Variants in MLLT10 observed in about 807,000 individuals in gnomAD.
MLLT10 encodes the protein protein AF-10.
MLLT10 carries 30 observed loss-of-function variants against 129.1 expected under a neutral mutation model. The ratio of observed to expected loss-of-function variants is 0.23; its 90% CI spans 0.17 to 0.32. The LOEUF is 0.32. MLLT10 is among the 10% of genes least tolerant of loss of function. The probability of loss-of-function intolerance (pLI) is 1.00; values close to 1 mark genes in which losing one functional copy is unlikely to be tolerated. For missense variants in MLLT10, 1,119 were observed against 1,268.3 expected (o/e 0.88, Z 1.79); for synonymous variants, 490 against 446.4 (o/e 1.10, Z -1.23).
rs965465633 is a variant in MLLT10 at position 21,731,588 on chromosome 10, A to G, written c.2218+534A>G. Among the ~76,000 whole-genome samples, 3 of 152,202 alleles carry G rather than the reference A, an allele frequency of 2.0e-5. No homozygotes were observed. In the East Asian group the frequency reaches 5.8e-4, roughly 29 times the overall value. On this transcript the variant is annotated intron_variant, in intron 17 of 22. Transcript: ENST00000307729. Reference sequence around the variant, plus strand: ...TTACTTTAAAAAATACAAATAGTCAAGTATGGCCGGCTAGCTTCTTCATTT... The same window carrying G: ...TTACTTTAAAAAATACAAATAGTCAGGTATGGCCGGCTAGCTTCTTCATTT...
intron 8 of MLLT10, among the ~76,000 whole-genome samples, chr10:21,619,076 T>A (rs1304182759): frequency 6.9e-6 from 1 of 145,506 alleles, no homozygotes; most frequent in Non-Finnish European, 1.5e-5. Flanking sequence ...ACACTTTTTT[T>A]AGATCTCAGG....
chr10:21,538,269 A>C (rs1169637421), intron 2 of MLLT10, among the ~76,000 whole-genome samples: 1 of 150,628 alleles, frequency 6.6e-6, no homozygotes, highest in East Asian at 2.0e-4. Context: ...GGTTCAAGCG[A>C]TTCTCCTGCC....
rs76853253 is a variant in MLLT10, at chr10:21,708,564, G to T, written c.1700-5208G>T. 6.6e-3 allele frequency: 6,526 copies of T among 982,720 alleles called. 279 individuals carry two copies. In the African/African-American group the frequency reaches 0.1, roughly 15 times the overall value. 60.9% of individuals were successfully genotyped at this position (982,720 alleles called of 1,614,324 possible). A position where few individuals can be genotyped will look rare whatever the true frequency, so the allele number is the denominator to read the frequency against. On this transcript the variant is annotated intron_variant, in intron 13 of 22. Transcript: ENST00000307729. ...AGGAACATTTTGCTCTGTTTTTTTTGTGTGTGTGTTTTTTTTTTACCAGTA... is the reference window on the plus strand; with the variant it reads ...AGGAACATTTTGCTCTGTTTTTTTTTTGTGTGTGTTTTTTTTTTACCAGTA...
intron 14 of MLLT10, 40 bp downstream of exon 14, chr10:21,713,990 T>A: frequency 1.3e-6 from 2 of 1,534,438 alleles, no homozygotes; most frequent in Non-Finnish European, 1.8e-6. Context: ...AATAGGTGGG[T>A]TTCTCATTTT....
intron 4 of MLLT10, 105 bp from the exon 5 acceptor site, chr10:21,595,226 G>A (rs561696029): frequency 1.4e-6 from 1 of 727,346 alleles, no homozygotes; most frequent in Non-Finnish European, 2.2e-6. Flanking sequence ...TGTCCTTGTT[G>A]TGCATTTATT....
At chr10:21,656,692 C>T (rs2049620357) in intron 9 of MLLT10, among the ~76,000 whole-genome samples, 1 of 152,166 alleles carries the variant, frequency 6.6e-6, no homozygotes, top group Non-Finnish European at 1.5e-5. Context: ...AATGTGGTAT[C>T]ACTATCACCT....
intron 8 of MLLT10, among the ~76,000 whole-genome samples, chr10:21,643,923 C>T (rs2048248205): frequency 6.6e-6 from 1 of 152,080 alleles, no homozygotes; most frequent in Non-Finnish European, 1.5e-5. Flanking sequence ...ATGTGGTCTG[C>T]CTGCTTTAGT....
Position 21,670,673 on chromosome 10 carries a change from A to G in MLLT10, c.1020A>G (p.Thr340=). ...RKPGGGRNPG[T]TVSAASPFPQ... ...CTGGTGGTGGAAGAAATCCAGGAAC[A>G]ACTGTGTCAGCAGCTAGCCCTTTTC... The change falls in exon 10 of 23, where the codon ACA becomes ACG. Residue 340 remains threonine (T), a synonymous_variant. Transcript: ENST00000307729. The G allele has an allele frequency of 6.2e-7, 1 of 1,614,136 alleles. No individual in the cohort carries two copies. The highest frequency in any genetic ancestry group is 8.5e-7 in the Non-Finnish European group (1 of 1,180,018).
intron 2 of MLLT10, among the ~76,000 whole-genome samples, chr10:21,535,160 C>T (rs1217609690): frequency 1.3e-5 from 2 of 150,976 alleles, no homozygotes. Context: ...CGCGCCCTTC[C>T]CGGGGTTCCC....
At chr10:21,686,954 GC>G (rs1379892382) in intron 13 of MLLT10, among the ~76,000 whole-genome samples, 11 of 152,140 alleles carry the variant, frequency 7.2e-5, no homozygotes, top group Non-Finnish European at 1.5e-4. Context: ...CTGCATTCCA[GC>G]CTAGGTGACA....
chr10:21,597,245 A>C (rs1340001617), intron 5 of MLLT10, among the ~76,000 whole-genome samples: 1 of 152,206 alleles, frequency 6.6e-6, no homozygotes, highest in African/African-American at 2.4e-5. Context: ...ATGCCGTCAA[A>C]ATAAGGAAAT....
intron 13 of MLLT10, among the ~76,000 whole-genome samples, chr10:21,684,551 T>C (rs532260254): frequency 1.3e-5 from 2 of 152,308 alleles, no homozygotes; most frequent in Admixed American, 6.5e-5. Flanking sequence ...CTTTTTCTTT[T>C]GTATTTCCAC....
chr10:21,687,912 G>A (rs1243219298), intron 13 of MLLT10, among the ~76,000 whole-genome samples: 1 of 152,126 alleles, frequency 6.6e-6, no homozygotes, highest in Non-Finnish European at 1.5e-5. Flanking sequence ...GAAAGAATTT[G>A]ACTAATTTAA....
chr10:21,575,376 TAATA>T (rs1256167959), intron 3 of MLLT10, among the ~76,000 whole-genome samples: 3 of 152,160 alleles, frequency 2.0e-5, no homozygotes, highest in African/African-American at 7.2e-5. Flanking sequence ...TTTGTATCTT[TAATA>T]GAGATGGAGT....
chr10:21,736,205 A>C (rs925653387), intron 21 of MLLT10, among the ~76,000 whole-genome samples: 19 of 152,138 alleles, frequency 1.2e-4, no homozygotes, highest in African/African-American at 4.6e-4. Context: ...GCAAAAGTGG[A>C]AAAAGGGAGT....
intron 4 of MLLT10, among the ~76,000 whole-genome samples, chr10:21,593,706 C>G (rs1264246094): frequency 3.3e-5 from 5 of 151,650 alleles, no homozygotes; most frequent in Non-Finnish European, 7.4e-5. Context: ...ACTGGTGGAT[C>G]ACTTGAGGTC....
At chr10:21,700,278 A>G (rs375830773) in intron 13 of MLLT10, among the ~76,000 whole-genome samples, 54 of 152,110 alleles carry the variant, frequency 3.6e-4, no homozygotes, top group African/African-American at 1.2e-3. Context: ...GGAGTATTTA[A>G]GTTTTTCTGC....
At chr10:21,548,786 TTTTA>T (rs1369839795) in intron 3 of MLLT10, among the ~76,000 whole-genome samples, 5 of 152,208 alleles carry the variant, frequency 3.3e-5, no homozygotes, top group Non-Finnish European at 5.9e-5. Flanking sequence ...TTTTGTGTGA[TTTTA>T]TTTTTCAATT....
intron 14 of MLLT10, among the ~76,000 whole-genome samples, chr10:21,717,114 G>A (rs2056623179): frequency 2.7e-5 from 4 of 150,934 alleles, no homozygotes; most frequent in African/African-American, 4.9e-5. Context: ...TTAGCCGGGC[G>A]CGGTGGTGCA....
Sources: gnomAD v4.1 joint callset for allele counts (sites outside exome capture counted in the v4.1 genomes callset) on GRCh38, gnomAD v4.1.1 for gene constraint, MANE v1.5 for transcripts, NCBI Gene and HGNC (gene_info 2026-07-23, HGNC 2026-07-21) for gene names.